Variants in ACSF3 observed in about 807,000 individuals in gnomAD.
ACSF3 encodes acyl-CoA synthetase family member 3.
A neutral mutation model predicts 53.2 loss-of-function variants in ACSF3; 78 were observed. The ratio of observed to expected loss-of-function variants is 1.47; its 90% CI spans 1.22 to 1.77. The LOEUF is 1.77. Among genes scored for constraint, ACSF3 ranks in the 40% most tolerant of loss-of-function variants. ACSF3 has a pLI of 0.00. For missense variants in ACSF3, 937 were observed against 771.1 expected (o/e 1.22, Z -2.55); for synonymous variants, 414 against 333.1 (o/e 1.24, Z -2.65).
chr16:89,145,845 C>G, intron 9 of ACSF3, 93 bp from the exon 10 acceptor site: 1 of 1,108,124 alleles, frequency 9.0e-7, no homozygotes, highest in Non-Finnish European at 1.4e-6. Flanking sequence ...GGGCTGCGGC[C>G]AGACTGCGCT....
At chr16:89,129,693 A>G (rs1191056875) in intron 7 of ACSF3, among the ~76,000 whole-genome samples, 1 of 152,214 alleles carries the variant, frequency 6.6e-6, no homozygotes, top group Non-Finnish European at 1.5e-5. Context: ...TTATTGCTCA[A>G]CTTTACTGCC....
In ACSF3 at chr16:89,102,668, T is replaced by C. The variant is rs1567688005; in HGVS notation, c.731T>C (p.Leu244Pro). 5 of 1,613,904 alleles carry C rather than the reference T, an allele frequency of 3.1e-6. No homozygotes were observed. Among genetic ancestry groups the C allele is most frequent in the Non-Finnish European group, 3.4e-6 (4 of 1,180,032 alleles). ...GACGTGATCCTCCACGTGCTCCCGC[T>C]GCACCACGTCCATGGTGTGGTCAAC... The part of the protein sequence containing the change: ...KDDVILHVLP[L>P]HHVHGVVNAL... The change falls in exon 4 of 11, where the codon CTG becomes CCG. Residue 244 changes from leucine (L) to proline (P), a missense_variant. Leu to Pro is a moderately conservative substitution (Grantham distance 98, BLOSUM62 -3). Transcript: ENST00000614302.
At chr16:89,141,379 C>A in intron 8 of ACSF3, 1 of 1,178,088 alleles carries the variant, frequency 8.5e-7, no homozygotes, top group Non-Finnish European at 1.1e-6. Context: ...TGACATGTTC[C>A]AAGGGGCAAG....
At chr16:89,152,652 G>A (rs2151583214) in intron 10 of ACSF3, 1 of 152,238 alleles carries the variant, frequency 6.6e-6, no homozygotes, top group Admixed American at 6.5e-5. Flanking sequence ...CTGTACATAG[G>A]ACAGCTGGGT....
chr16:89,137,366 C>A (rs113189305), intron 8 of ACSF3, among the ~76,000 whole-genome samples: 27 of 122,308 alleles, frequency 2.2e-4, no homozygotes, highest in African/African-American at 5.6e-4. Flanking sequence ...CAGGAGCTCA[C>A]GGGGAAGGAT....
chr16:89,096,857 C>T (rs4782468), intron 1 of ACSF3, among the ~76,000 whole-genome samples: 102,801 of 152,096 alleles, frequency 0.68, 35,467 homozygotes, highest in Admixed American at 0.75. Context: ...TCTCTGGGAG[C>T]TGGGACCATG....
At position 89,155,519 on chromosome 16, in the gene ACSF3, C is replaced by T; in HGVS notation, c.*1312C>T. The T allele has an allele frequency of 2.2e-6, 1 of 454,140 alleles. No individual in the cohort carries two copies. Among genetic ancestry groups the T allele is most frequent in the South Asian group, 1.6e-5 (1 of 64,466 alleles). 28.1% of individuals were successfully genotyped at this position (454,140 alleles called of 1,614,324 possible). A position where few individuals can be genotyped will look rare whatever the true frequency, so the allele number is the denominator to read the frequency against. On this transcript the variant is annotated 3_prime_UTR_variant, in exon 11 of 11. Transcript: ENST00000614302. ...TTCCAGGACTGGTGGGTGCCCCAGT[C>T]CACGGCCCTGCCCCACCCGAACTCC...
intron 3 of ACSF3, among the ~76,000 whole-genome samples, 160 bp downstream of exon 3, chr16:89,101,507 G>A (rs1975339394): frequency 6.6e-6 from 1 of 152,234 alleles, no homozygotes; most frequent in Non-Finnish European, 1.5e-5. Flanking sequence ...AGGCCCTCGG[G>A]GTGTGGCCGC....
chr16:89,094,773 C>T (rs1285736858), intron 1 of ACSF3, among the ~76,000 whole-genome samples: 1 of 152,136 alleles, frequency 6.6e-6, no homozygotes, highest in East Asian at 1.9e-4. Flanking sequence ...CGTACACCTG[C>T]ACTTCCAGCT....
chr16:89,116,769 T>A, intron 6 of ACSF3, among the ~76,000 whole-genome samples: 1 of 152,066 alleles, frequency 6.6e-6, no homozygotes, highest in East Asian at 1.9e-4. Flanking sequence ...TGGTGGCCCC[T>A]GCCCTGGGCC....
chr16:89,109,584 TG>T (rs1423671322), intron 4 of ACSF3, among the ~76,000 whole-genome samples: 1 of 151,810 alleles, frequency 6.6e-6, no homozygotes, highest in East Asian at 1.9e-4. Context: ...GCTAATTTTT[TG>T]TATTTTTATA....
intron 6 of ACSF3, among the ~76,000 whole-genome samples, chr16:89,119,274 C>T (rs932138649): frequency 2.6e-5 from 4 of 152,240 alleles, no homozygotes; most frequent in African/African-American, 9.6e-5. Flanking sequence ...CCAGCCGTGC[C>T]GTGTCCTTGC....
At chr16:89,146,873 C>A (rs1282968974) in intron 10 of ACSF3, among the ~76,000 whole-genome samples, 1 of 152,216 alleles carries the variant, frequency 6.6e-6, no homozygotes, top group Non-Finnish European at 1.5e-5. Flanking sequence ...GAGCTATGGC[C>A]TTGTCAAAGG....
chr16:89,133,476 G>A (rs1374256367), intron 8 of ACSF3, among the ~76,000 whole-genome samples: 1 of 152,194 alleles, frequency 6.6e-6, no homozygotes, highest in African/African-American at 2.4e-5. Context: ...CCTTGGCCCT[G>A]TCCCTCAGTG....
At chr16:89,142,563 C>T (rs1181203468) in intron 8 of ACSF3, among the ~76,000 whole-genome samples, 1 of 150,812 alleles carries the variant, frequency 6.6e-6, no homozygotes, top group African/African-American at 2.4e-5. Context: ...ACACCCACAC[C>T]TGCAGACACA....
rs757285634 is a variant in ACSF3 at position 89,112,182 on chromosome 16, G to A, written c.913G>A (p.Asp305Asn). ...ATACACCAAGCTGATGGAGTACTAC[G>A]ACAGGCATTTTACCCAGCCGCACGC... is the stretch of plus-strand genomic sequence containing the variant. Reference protein sequence around the residue: ...TIYTKLMEYYDRHFTQPHAQD... With the variant: ...TIYTKLMEYYNRHFTQPHAQD... The change falls in exon 5 of 11, where the codon GAC becomes AAC. Residue 305 changes from aspartate (D) to asparagine (N), a missense_variant. By Grantham distance (23) the Asp-to-Asn change is conservative (BLOSUM62 1). Coordinates refer to ENST00000614302, the MANE Select transcript of ACSF3 (RefSeq NM_001243279.3). The A allele has an allele frequency of 1.9e-5, 26 of 1,377,026 alleles. No individual in the cohort carries two copies. The highest frequency in any genetic ancestry group is 1.9e-4 in the Middle Eastern group (1 of 5,256). 85.3% of individuals were successfully genotyped at this position (1,377,026 alleles called of 1,614,324 possible).
chr16:89,116,045 T>C (rs1259670302), intron 6 of ACSF3, among the ~76,000 whole-genome samples: 1 of 152,222 alleles, frequency 6.6e-6, no homozygotes, highest in Non-Finnish European at 1.5e-5. Context: ...AATAAATCCT[T>C]GCGTAGCCCA....
chr16:89,131,243 A>G (rs1418133806), intron 7 of ACSF3, among the ~76,000 whole-genome samples: 2 of 141,400 alleles, frequency 1.4e-5, no homozygotes, highest in Non-Finnish European at 3.0e-5. Context: ...CTCCTACCTC[A>G]GCCTCCCAAG....
chr16:89,106,691 T>C (rs1976027844), intron 4 of ACSF3, among the ~76,000 whole-genome samples: 1 of 152,250 alleles, frequency 6.6e-6, no homozygotes, highest in African/African-American at 2.4e-5. Context: ...TTTAGGAATT[T>C]CTATGTGTAA....
Sources: allele counts gnomAD v4.1 joint callset (sites outside exome capture counted in the v4.1 genomes callset), GRCh38; gene constraint gnomAD v4.1.1; transcripts MANE v1.5; gene names NCBI Gene and HGNC (gene_info 2026-07-23, HGNC 2026-07-21).